Variants in HEMK2 observed in about 807,000 individuals in gnomAD.
HEMK2 encodes the protein methyltransferase HEMK2.
the HEMK2 span, among the ~76,000 whole-genome samples, chr21:28,848,280 G>A: frequency 6.6e-6 from 1 of 152,028 alleles, no homozygotes; most frequent in Non-Finnish European, 1.5e-5. Context: ...ATTTGTTCAT[G>A]TGGTCTCTGA....
At chr21:28,861,150 T>C in the HEMK2 span, among the ~76,000 whole-genome samples, 2 of 152,232 alleles carry the variant, frequency 1.3e-5, no homozygotes, top group Admixed American at 6.5e-5. Context: ...CTTGTCTGCA[T>C]GTCAGATCTA....
the HEMK2 span, among the ~76,000 whole-genome samples, chr21:28,762,033 T>C: frequency 4.8e-3 from 736 of 152,254 alleles, 4 homozygotes; most frequent in African/African-American, 0.017. Context: ...GTGTATTCCT[T>C]ACACCCACAG....
the HEMK2 span, among the ~76,000 whole-genome samples, chr21:28,700,992 A>T: frequency 6.6e-6 from 1 of 152,202 alleles, no homozygotes; most frequent in Admixed American, 6.6e-5. Context: ...GGTTGGTTCA[A>T]CATATGCAAA....
chr21:28,755,278 T>G, the HEMK2 span, among the ~76,000 whole-genome samples: 2 of 152,142 alleles, frequency 1.3e-5, no homozygotes, highest in Non-Finnish European at 2.9e-5. Context: ...GAGTGATAAA[T>G]TAGGCCGGAG....
At chr21:28,767,302 C>T in the HEMK2 span, among the ~76,000 whole-genome samples, 11 of 151,764 alleles carry the variant, frequency 7.2e-5, no homozygotes, top group African/African-American at 2.7e-4. Flanking sequence ...TCTTTTTCAG[C>T]AGCATGAAAA....
the HEMK2 span, among the ~76,000 whole-genome samples, chr21:28,639,987 G>A: frequency 2.6e-5 from 4 of 152,140 alleles, no homozygotes; most frequent in African/African-American, 7.2e-5. Flanking sequence ...AAGAAAGGCT[G>A]AGTTGTAATC....
the HEMK2 span, among the ~76,000 whole-genome samples, chr21:28,604,466 ACCATTCCCT>A: frequency 1.3e-5 from 2 of 152,214 alleles, no homozygotes; most frequent in Admixed American, 1.3e-4. Context: ...AGTAGTTTGT[ACCATTCCCT>A]ATATGAGAAA....
At chr21:28,885,258 A>G in the HEMK2 span, 3 of 1,593,492 alleles carry the variant, frequency 1.9e-6, no homozygotes, top group East Asian at 6.9e-5. Flanking sequence ...AAAAGCAGAA[A>G]CGTGTCCTCC....
At chr21:28,857,454 C>T in the HEMK2 span, among the ~76,000 whole-genome samples, 3 of 151,876 alleles carry the variant, frequency 2.0e-5, 1 homozygote, top group South Asian at 6.2e-4. Flanking sequence ...TTCTGTATAA[C>T]TTTTTTTTGC....
At chr21:28,665,835 C>T in the HEMK2 span, among the ~76,000 whole-genome samples, 5 of 151,986 alleles carry the variant, frequency 3.3e-5, no homozygotes, top group African/African-American at 1.2e-4. Context: ...TGGAACCAAC[C>T]CAAATGTCCA....
chr21:28,865,597 C>T, the HEMK2 span, among the ~76,000 whole-genome samples: 1 of 152,326 alleles, frequency 6.6e-6, no homozygotes, highest in East Asian at 1.9e-4. Context: ...CTATCCTAGA[C>T]TCCTCTTTGA....
At chr21:28,822,590 T>C in the HEMK2 span, among the ~76,000 whole-genome samples, 4,109 of 151,490 alleles carry the variant, frequency 0.027, 177 homozygotes, top group African/African-American at 0.093. Context: ...TATATATATA[T>C]ACACATATAT....
chr21:28,662,567 T>C, the HEMK2 span, among the ~76,000 whole-genome samples: 1 of 152,310 alleles, frequency 6.6e-6, no homozygotes, highest in African/African-American at 2.4e-5. Context: ...GTTCCTATAA[T>C]TCTCGTGTGT....
chr21:28,741,579 G>C, the HEMK2 span, among the ~76,000 whole-genome samples: 1 of 151,830 alleles, frequency 6.6e-6, no homozygotes, highest in Non-Finnish European at 1.5e-5. Context: ...GGCCCCAGCG[G>C]GTGTTGTTCC....
At chr21:28,745,339 G>A in the HEMK2 span, among the ~76,000 whole-genome samples, 1 of 152,176 alleles carries the variant, frequency 6.6e-6, no homozygotes, top group African/African-American at 2.4e-5. Context: ...ACTCCCCAGA[G>A]AGTCTGATTT....
chr21:28,848,972 G>A, the HEMK2 span, among the ~76,000 whole-genome samples: 9 of 152,084 alleles, frequency 5.9e-5, no homozygotes, highest in South Asian at 2.1e-4. Context: ...CCCCACTCCC[G>A]CCAGTACCCC....
the HEMK2 span, among the ~76,000 whole-genome samples, chr21:28,628,101 CT>C: frequency 6.6e-6 from 1 of 152,114 alleles, no homozygotes; most frequent in Non-Finnish European, 1.5e-5. Flanking sequence ...TCTTTCCTTG[CT>C]TTGTGCATTT....
the HEMK2 span, among the ~76,000 whole-genome samples, chr21:28,655,967 C>T: frequency 3.3e-5 from 5 of 151,966 alleles, no homozygotes; most frequent in Non-Finnish European, 7.4e-5. Context: ...CTCCTAGCCC[C>T]AAACCAAAAT....
the HEMK2 span, among the ~76,000 whole-genome samples, chr21:28,658,107 T>G: frequency 6.6e-6 from 1 of 152,036 alleles, no homozygotes; most frequent in African/African-American, 2.4e-5. Flanking sequence ...AGTGTGCATG[T>G]CAAATATAGG....
Sources: allele counts gnomAD v4.1 joint callset (sites outside exome capture counted in the v4.1 genomes callset), GRCh38; gene constraint gnomAD v4.1.1; transcripts MANE v1.5; gene names NCBI Gene and HGNC (gene_info 2026-07-23, HGNC 2026-07-21).